COL19A1: variants seen among roughly 807,000 people sequenced by gnomAD.
COL19A1 encodes the protein collagen type XIX alpha 1 chain, also known as collagen alpha-1(XIX) chain.
COL19A1 carries 159 observed loss-of-function variants against 190.2 expected under a neutral mutation model. The ratio of observed to expected loss-of-function variants is 0.84; its 90% CI spans 0.73 to 0.95. The LOEUF is 0.95. Ranked by LOEUF, COL19A1 falls within the 40% of genes least tolerant of loss-of-function variation. COL19A1 has a pLI of 0.00. For missense variants in COL19A1, 1,418 were observed against 1,431.9 expected, an observed-to-expected ratio of 0.99 and a Z score of 0.16; for synonymous variants, 509 against 458.9, an observed-to-expected ratio of 1.11 and a Z score of -1.39.
intron 17 of COL19A1, among the ~76,000 whole-genome samples, chr6:70,124,796 T>C (rs1422486024): frequency 6.6e-6 from 1 of 152,176 alleles, no homozygotes; most frequent in Non-Finnish European, 1.5e-5. Context: ...TGATGCACTA[T>C]AACCATTTAG....
intron 9 of COL19A1, among the ~76,000 whole-genome samples, chr6:69,958,741 T>G (rs1206759707): frequency 6.6e-6 from 1 of 151,236 alleles, no homozygotes; most frequent in African/African-American, 2.4e-5. Context: ...TATGTGTGCA[T>G]GTATGTAGCA....
chr6:69,992,931 T>C (rs894763982), intron 11 of COL19A1, among the ~76,000 whole-genome samples: 1 of 152,034 alleles, frequency 6.6e-6, no homozygotes, highest in Non-Finnish European at 1.5e-5. Flanking sequence ...CTCTTTCTAT[T>C]TGGATGTATT....
chr6:70,114,245 C>A (rs973608829), intron 16 of COL19A1, among the ~76,000 whole-genome samples: 1 of 152,108 alleles, frequency 6.6e-6, no homozygotes, highest in African/African-American at 2.4e-5. Context: ...TTTCACCACA[C>A]GATGCCCTGC....
intron 9 of COL19A1, among the ~76,000 whole-genome samples, chr6:69,957,644 G>A (rs1026267451): frequency 2.0e-5 from 3 of 152,150 alleles, no homozygotes; most frequent in African/African-American, 7.2e-5. Context: ...ATGAACTAAA[G>A]TATTGATTGG....
chr6:69,946,283 G>A (rs1412433404), intron 9 of COL19A1, among the ~76,000 whole-genome samples: 1 of 152,006 alleles, frequency 6.6e-6, no homozygotes, highest in Non-Finnish European at 1.5e-5. Context: ...TTATTACTAA[G>A]AGAATGTATC....
chr6:69,924,994 T>C (rs1189803575), intron 4 of COL19A1, among the ~76,000 whole-genome samples: 4 of 152,160 alleles, frequency 2.6e-5, no homozygotes, highest in East Asian at 1.9e-4. Context: ...AGCCCTTTGT[T>C]AGATGAGTAG....
chr6:69,874,423 A>G (rs957784738), intron 1 of COL19A1, among the ~76,000 whole-genome samples: 1 of 152,202 alleles, frequency 6.6e-6, no homozygotes, highest in Admixed American at 6.5e-5. Context: ...CAGGATCTGA[A>G]TAATAGAACC....
chr6:70,131,893 A>C (rs1472310205), intron 18 of COL19A1, among the ~76,000 whole-genome samples: 1 of 151,990 alleles, frequency 6.6e-6, no homozygotes, highest in African/African-American at 2.4e-5. Context: ...TCAAACTCTA[A>C]GGACCTTTTC....
At chr6:69,928,375 A>G (rs1772532320) in intron 5 of COL19A1, among the ~76,000 whole-genome samples, 1 of 152,070 alleles carries the variant, frequency 6.6e-6, no homozygotes, top group South Asian at 2.1e-4. Context: ...TGTCGTCTCT[A>G]ATGTTATATA....
chr6:69,966,567 G>A (rs974551133), intron 11 of COL19A1, among the ~76,000 whole-genome samples: 3 of 152,062 alleles, frequency 2.0e-5, no homozygotes, highest in African/African-American at 4.8e-5. Flanking sequence ...ATGCTTGAAG[G>A]CAGCATGCTC....
At chr6:69,989,218 G>A (rs9454932) in intron 11 of COL19A1, among the ~76,000 whole-genome samples, 32,147 of 151,928 alleles carry the variant, frequency 0.21, 5,591 homozygotes, top group African/African-American at 0.47. Flanking sequence ...GTACAATGCC[G>A]GGGTTCTACT....
intron 11 of COL19A1, among the ~76,000 whole-genome samples, chr6:70,010,461 A>C (rs906556519): frequency 4.1e-5 from 6 of 144,922 alleles, no homozygotes; most frequent in African/African-American, 1.3e-4. Context: ...GGTTCATCTC[A>C]CTAGGGAGTG....
At position 70,039,938 on chromosome 6, in the gene COL19A1, T is replaced by A. The variant is rs981686662; in HGVS notation, c.1170+3999T>A. On this transcript the variant is annotated intron_variant, in intron 14 of 50. Coordinates refer to ENST00000620364, the MANE Select transcript of COL19A1 (RefSeq NM_001858.6). ...GCACTATGCCCAGCTAATTTTTTTT[T>A]TTTTTTTAACAAAGACAAAGTCTTG... 3.9e-3 allele frequency among the ~76,000 whole-genome samples: 592 copies of A among 151,936 alleles called. 5 individuals carry two copies. Among genetic ancestry groups the A allele is most frequent in the African/African-American group, 0.014 (561 of 41,424 alleles).
intron 11 of COL19A1, among the ~76,000 whole-genome samples, chr6:69,972,429 C>T (rs1236303071): frequency 6.6e-6 from 1 of 152,172 alleles, no homozygotes; most frequent in African/African-American, 2.4e-5. Context: ...TCTCTAACAC[C>T]TAGTTGAATG....
chr6:70,143,468 G>A (rs1786394372), intron 23 of COL19A1, among the ~76,000 whole-genome samples: 1 of 152,018 alleles, frequency 6.6e-6, no homozygotes, highest in African/African-American at 2.4e-5. Flanking sequence ...AAAAATCCTT[G>A]GCCATAACTC....
chr6:70,022,698 A>C (rs1433511120), intron 11 of COL19A1, among the ~76,000 whole-genome samples: 1 of 152,156 alleles, frequency 6.6e-6, no homozygotes, highest in Non-Finnish European at 1.5e-5. Context: ...ACATTTATCC[A>C]CTGGGTTTGT....
chr6:69,922,634 C>T (rs1222792471), intron 4 of COL19A1, among the ~76,000 whole-genome samples: 1 of 151,930 alleles, frequency 6.6e-6, no homozygotes, highest in Non-Finnish European at 1.5e-5. Flanking sequence ...GCGCGTGCCA[C>T]CATGCCTGAC....
At chr6:69,870,372 A>G (rs1434157414) in intron 1 of COL19A1, among the ~76,000 whole-genome samples, 2 of 152,222 alleles carry the variant, frequency 1.3e-5, no homozygotes, top group Admixed American at 6.5e-5. Flanking sequence ...GCTCTGTTGA[A>G]TCACAGGACA....
At chr6:70,028,868 C>T (rs892859450) in intron 12 of COL19A1, among the ~76,000 whole-genome samples, 4 of 152,058 alleles carry the variant, frequency 2.6e-5, no homozygotes, top group African/African-American at 9.7e-5. Context: ...TAAACATTCA[C>T]TATTATTAGA....
Sources: gnomAD v4.1 joint callset for allele counts (sites outside exome capture counted in the v4.1 genomes callset) on GRCh38, gnomAD v4.1.1 for gene constraint, MANE v1.5 for transcripts, NCBI Gene and HGNC (gene_info 2026-07-23, HGNC 2026-07-21) for gene names.